The following SORBS3 variants were observed in gnomAD, a reference collection of about 807,000 sequenced individuals.
SORBS3 encodes vinexin.
SORBS3 carries 69 observed loss-of-function variants against 98.0 expected under a neutral mutation model. That is an observed-to-expected ratio of 0.70 (90% confidence interval 0.58 to 0.86). The LOEUF (loss-of-function observed/expected upper bound fraction) is 0.86, where lower values mean the gene tolerates loss of function less well. Ranked by LOEUF, SORBS3 falls within the 40% of genes least tolerant of loss-of-function variation. The pLI, the probability that SORBS3 is intolerant of heterozygous loss-of-function variation, is 0.00. For missense variants in SORBS3, 954 were observed against 908.5 expected (o/e 1.05, Z -0.64); for synonymous variants, 394 against 355.4 (o/e 1.11, Z -1.22).
chr8:22,564,048 T>C lies in SORBS3; in HGVS notation c.646T>C (p.Phe216Leu), dbSNP rs1224935138. The change falls in exon 8 of 21, where the codon TTC becomes CTC. Residue 216 changes from phenylalanine (F) to leucine (L), a missense_variant. Physicochemically the swap from Phe to Leu is conservative, Grantham distance 22. Transcript: ENST00000240123. ...RSTFNYRPGA[F>L]STVLQPSNQV... ...CACCTTCAACTACAGACCTGGAGCA[T>C]TCTCCACTGTGCTGCAGCCCTCAAA... 6.2e-7 allele frequency: 1 copy of C among 1,613,952 alleles called. No individual in the cohort carries two copies. Among genetic ancestry groups the C allele is most frequent in the South Asian group, 1.1e-5 (1 of 91,088 alleles).
At chr8:22,548,689 G>T (rs1449391024), upstream of SORBS3, among the ~76,000 whole-genome samples, 2 of 150,676 alleles carry the variant, frequency 1.3e-5, no homozygotes, top group African/African-American at 4.9e-5. Context: ...ATCTCAGAGG[G>T]TGACTCATCT....
At chr8:22,570,301 G>T (rs901158493) in intron 17 of SORBS3, among the ~76,000 whole-genome samples, 2 of 152,210 alleles carry the variant, frequency 1.3e-5, no homozygotes, top group Non-Finnish European at 2.9e-5. Flanking sequence ...CCAGGGGGTG[G>T]TTCTACCTAA....
rs3830695 is a variant in SORBS3 at position 22,569,137 on chromosome 8, TC to T, written c.1306-10del. 0.2 allele frequency: 326,898 copies of T among 1,599,004 alleles called. 35,529 individuals carry two copies. Among genetic ancestry groups the T allele is most frequent in the Non-Finnish European group, 0.23 (263,896 of 1,172,472 alleles). On this transcript the variant is annotated splice_polypyrimidine_tract_variant and intron_variant, in intron 16 of 20. Transcript: ENST00000240123. Reference sequence around the variant, plus strand: ...CAGGCCAAATCTTTCTCATGACCTTTCTTCATGCAGGTGCTGCCCGCAGATG... The same window carrying T: ...CAGGCCAAATCTTTCTCATGACCTTTTTCATGCAGGTGCTGCCCGCAGATG...
upstream of SORBS3, chr8:22,551,724 C>G (rs575916328): frequency 5.1e-6 from 5 of 984,338 alleles, no homozygotes; most frequent in Non-Finnish European, 6.0e-6. This position sits in a 1 kb window ranked among gnomAD's most constrained non-coding sequence, Gnocchi z 5.8. Flanking sequence ...GGAGAGCACT[C>G]GCACGTCCCT....
chr8:22,565,966 G>T, intron 12 of SORBS3, 94 bp downstream of exon 12: 1 of 880,314 alleles, frequency 1.1e-6, no homozygotes, highest in Non-Finnish European at 1.5e-6. Context: ...GGGCGATCGC[G>T]GGGCCCAGCC....
At chr8:22,565,780 TG>T in intron 11 of SORBS3, 45 bp from the exon 12 acceptor site, 1 of 1,306,424 alleles carries the variant, frequency 7.7e-7, no homozygotes, top group South Asian at 2.1e-5. Context: ...CGGCTGCCGC[TG>T]GGTCCCGGGG....
intron 20 of SORBS3, among the ~76,000 whole-genome samples, chr8:22,573,639 G>C (rs1840647106): frequency 6.6e-6 from 1 of 151,294 alleles, no homozygotes. Flanking sequence ...GGGAGGCCAA[G>C]AGGAAAGGGA....
At chr8:22,573,599 C>T (rs927809001) in intron 20 of SORBS3, among the ~76,000 whole-genome samples, 1 of 147,386 alleles carries the variant, frequency 6.8e-6, no homozygotes. Context: ...AATGAGGGAG[C>T]TGGGCCTGGA....
chr8:22,550,023 C>G, upstream of SORBS3: 2 of 985,264 alleles, frequency 2.0e-6, no homozygotes, highest in Non-Finnish European at 2.4e-6. Flanking sequence ...AAAGTGAAAG[C>G]GATGTGGTCC....
At chr8:22,565,734 C>G (rs1020152844) in intron 11 of SORBS3, 92 bp from the exon 12 acceptor site, 3 of 1,269,564 alleles carry the variant, frequency 2.4e-6, no homozygotes, top group Admixed American at 4.1e-5. Flanking sequence ...CTCTCCTCCC[C>G]TCCCGAGCCG....
At chr8:22,549,582 C>A (rs1586884926), upstream of SORBS3, among the ~76,000 whole-genome samples, 1 of 152,234 alleles carries the variant, frequency 6.6e-6, no homozygotes, top group Non-Finnish European at 1.5e-5. Flanking sequence ...TGTCTCCCAT[C>A]CTCTCGGCTG....
At chr8:22,565,732 C>G in intron 11 of SORBS3, 94 bp from the exon 12 acceptor site, 1 of 1,263,176 alleles carries the variant, frequency 7.9e-7, no homozygotes, top group Non-Finnish European at 1.0e-6. Flanking sequence ...CGCTCTCCTC[C>G]CCTCCCGAGC....
chr8:22,571,605 A>G, intron 18 of SORBS3, 113 bp from the exon 19 acceptor site: 1 of 750,770 alleles, frequency 1.3e-6, no homozygotes, highest in Admixed American at 2.0e-5. Context: ...AGCCGTTTGT[A>G]AGGCGTGCTG....
chr8:22,563,880 G>GAAT lies in SORBS3; in HGVS notation c.585-106_585-105insATA. The GAAT allele has an allele frequency of 8.5e-6, 7 of 823,548 alleles. 1 individual carries two copies. In the South Asian group the frequency reaches 1.0e-4, roughly 12 times the overall value. The allele number at this position is 823,548 out of a possible 1,614,324, so 51.0% of individuals were successfully genotyped here. A position where few individuals can be genotyped will look rare whatever the true frequency, so the allele number is the denominator to read the frequency against. ...AGTAACGGCAGGGCAGTCAGAGGCA[G>GAAT]AGTAGACCCCACAGCAGGGACAAGG... is the stretch of plus-strand genomic sequence containing the variant. On this transcript the variant is annotated intron_variant, in intron 7 of 20. Transcript: ENST00000240123.
chr8:22,556,174 T>C (rs1236910727), intron 3 of SORBS3, among the ~76,000 whole-genome samples: 2 of 152,078 alleles, frequency 1.3e-5, no homozygotes, highest in Admixed American at 6.6e-5. Context: ...GGGGAATGGG[T>C]TTCTGACCTT....
chr8:22,555,045 C>T, intron 3 of SORBS3, 65 bp downstream of exon 3: 1 of 1,370,674 alleles, frequency 7.3e-7, no homozygotes, highest in Non-Finnish European at 1.0e-6. Flanking sequence ...TGGCACTGCC[C>T]TGTGTCAAGC....
rs930629803 is a variant in SORBS3, at chr8:22,554,098, C to T, written c.-55-354C>T. The T allele has an allele frequency of 7.1e-5, 12 of 169,544 alleles. No homozygotes were observed. The highest frequency in any genetic ancestry group is 1.3e-4 in the Non-Finnish European group (10 of 78,718). The allele number at this position is 169,544 out of a possible 1,614,324, so 10.5% of individuals were successfully genotyped here. On this transcript the variant is annotated intron_variant, in intron 1 of 20. Transcript: ENST00000240123. This position sits in a 1 kb window ranked among gnomAD's most constrained non-coding sequence, Gnocchi z 6.5. ...TCTGCCGGCTGCCCCACTTCCCCTG[C>T]GCCTTCCCTCCGGGGGAGTGGGGAA... is the stretch of plus-strand genomic sequence containing the variant.
chr8:22,554,816 C>T lies in SORBS3; in HGVS notation c.103-47C>T, dbSNP rs745786493. 1 of 1,214,734 alleles carries T rather than the reference C, an allele frequency of 8.2e-7. No homozygotes were observed. The highest frequency in any genetic ancestry group is 1.2e-6 in the Non-Finnish European group (1 of 827,868). The allele number at this position is 1,214,734 out of a possible 1,614,324, so 75.2% of individuals were successfully genotyped here. On this transcript the variant is annotated intron_variant, in intron 2 of 20. Coordinates refer to ENST00000240123, the MANE Select transcript of SORBS3 (RefSeq NM_005775.5). The surrounding 1 kb of genome is among the most constrained non-coding windows in gnomAD (Gnocchi z 6.5). ...CTGTGCCTAGTAGCCATCCCTCCCTCCCGCCCTGCTGGGCCCTGAGCTGCC... is the reference window on the plus strand; with the variant it reads ...CTGTGCCTAGTAGCCATCCCTCCCTTCCGCCCTGCTGGGCCCTGAGCTGCC...
At chr8:22,551,096 G>A (rs991451539), upstream of SORBS3, among the ~76,000 whole-genome samples, 4 of 152,160 alleles carry the variant, frequency 2.6e-5, no homozygotes, top group African/African-American at 9.7e-5. The surrounding 1 kb of genome is among the most constrained non-coding windows in gnomAD (Gnocchi z 5.8). Context: ...CAGTGTCTGG[G>A]AACACCAAGA....
Sources: allele counts gnomAD v4.1 joint callset (sites outside exome capture counted in the v4.1 genomes callset), GRCh38; gene constraint gnomAD v4.1.1; non-coding constraint Gnocchi (gnomAD v3.1); transcripts MANE v1.5; gene names NCBI Gene and HGNC (gene_info 2026-07-23, HGNC 2026-07-21).